SLCO5A1: variants seen among roughly 807,000 people sequenced by gnomAD.
SLCO5A1 encodes organic anion transporter polypeptide-related protein 4.
Under a neutral mutation model 65.1 loss-of-function variants are expected in SLCO5A1, and 39 were observed. The observed-to-expected ratio is 0.60, with a 90% CI of 0.46 to 0.78. The LOEUF is 0.78. Ranked by LOEUF, SLCO5A1 falls within the 30% of genes least tolerant of loss-of-function variation. The pLI is 0.00. For missense variants in SLCO5A1, 1,029 were observed against 1,069.4 expected, an observed-to-expected ratio of 0.96 and a Z score of 0.53; for synonymous variants, 438 against 415.7, an observed-to-expected ratio of 1.05 and a Z score of -0.65.
At chr8:69,721,412 C>A (rs560396668) in intron 5 of SLCO5A1, among the ~76,000 whole-genome samples, 3 of 152,218 alleles carry the variant, frequency 2.0e-5, no homozygotes, top group African/African-American at 7.2e-5. Context: ...TTAACTACCT[C>A]GTGTTATAGA....
rs192907259 is a variant in SLCO5A1 at position 69,719,288 on chromosome 8, G to A, written c.1424-14059C>T. Among the ~76,000 whole-genome samples the A allele has an allele frequency of 4.3e-4, 65 of 152,232 alleles. 2 individuals are homozygous for A. In the East Asian group the frequency reaches 0.012, roughly 27 times the overall value. ...TTTGTTTGTTTGTTTCAAAAGACAT[G>A]CACAATTCCACCAGATAATGAAATC... On this transcript the variant is annotated intron_variant, in intron 5 of 9. Transcript: ENST00000260126.
chr8:69,798,336 G>T (rs1819587372), intron 2 of SLCO5A1, among the ~76,000 whole-genome samples: 1 of 152,152 alleles, frequency 6.6e-6, no homozygotes, highest in Admixed American at 6.5e-5. Flanking sequence ...CTGAGACTGG[G>T]TAATTTATAA....
intron 5 of SLCO5A1, among the ~76,000 whole-genome samples, chr8:69,728,829 G>T (rs979743920): frequency 1.3e-5 from 2 of 152,102 alleles, no homozygotes; most frequent in African/African-American, 4.8e-5. Context: ...ATTAACATTT[G>T]AAGTGCAAAC....
intron 2 of SLCO5A1, among the ~76,000 whole-genome samples, chr8:69,784,942 GAAAGAAAGA>G (rs1818988294): frequency 8.5e-6 from 1 of 117,286 alleles, no homozygotes; most frequent in South Asian, 2.7e-4. Flanking sequence ...AAGAAAGAAA[GAAAGAAAGA>G]AGAAAGGAAG....
rs1373535240 is a variant in SLCO5A1 at position 69,671,306 on chromosome 8, G to C, written c.*1563C>G. The C allele has an allele frequency of 6.6e-6, 1 of 152,222 alleles. No individual in the cohort carries two copies. The allele number at this position is 152,222 out of a possible 1,614,324, so 9.4% of individuals were successfully genotyped here. ...TTGGAGAGCAGAAGCCTGAATCATG[G>C]AACAGTCTGTCAATCACATCTCTTC... On this transcript the variant is annotated 3_prime_UTR_variant, in exon 10 of 10. Transcript: ENST00000260126.
chr8:69,831,133 T>C (rs1821131888), intron 2 of SLCO5A1, among the ~76,000 whole-genome samples: 1 of 151,898 alleles, frequency 6.6e-6, no homozygotes. Flanking sequence ...GCATGATGGG[T>C]ACCTGTGATC....
rs577392242 is a variant in SLCO5A1, at chr8:69,762,673, C to T, written c.908-798G>A. Among the ~76,000 whole-genome samples the T allele has an allele frequency of 3.9e-5, 6 of 152,208 alleles. No homozygotes were observed. The East Asian group carries it at 1.2e-3, about 29-fold the overall frequency. On this transcript the variant is annotated intron_variant, in intron 2 of 9. Coordinates refer to ENST00000260126, the MANE Select transcript of SLCO5A1 (RefSeq NM_030958.3). The stretch of plus-strand genomic sequence containing the variant: ...TCATCATAGCTAGAAGATTCTAGCA[C>T]GATGAGGGAATTTAAGACCAGATTT...
At chr8:69,824,846 A>G (rs1453134230) in intron 2 of SLCO5A1, among the ~76,000 whole-genome samples, 2 of 152,230 alleles carry the variant, frequency 1.3e-5, no homozygotes, top group South Asian at 2.1e-4. Context: ...TTACACCAAT[A>G]TCCTTGATGA....
At chr8:69,784,844 A>G (rs1031088188) in intron 2 of SLCO5A1, among the ~76,000 whole-genome samples, 1 of 146,648 alleles carries the variant, frequency 6.8e-6, no homozygotes, top group Non-Finnish European at 1.5e-5. Context: ...AGAAAGAAAG[A>G]AAGAAAGAAA....
In SLCO5A1 at chr8:69,699,747, A is replaced by T. The variant is rs140485125; in HGVS notation, c.1622+5284T>A. Reference sequence around the variant, plus strand: ...GAAGTCTAAATAATGTTGGAAAAGTAAGAGAAAATATTCCACTCATAAAGC... The same window carrying T: ...GAAGTCTAAATAATGTTGGAAAAGTTAGAGAAAATATTCCACTCATAAAGC... On this transcript the variant is annotated intron_variant, in intron 6 of 9. Coordinates refer to ENST00000260126, the MANE Select transcript of SLCO5A1 (RefSeq NM_030958.3). Among the ~76,000 whole-genome samples the T allele has an allele frequency of 2.5e-3, 376 of 152,360 alleles. 1 individual carries two copies. Among genetic ancestry groups the T allele is most frequent in the African/African-American group, 7.1e-3 (296 of 41,590 alleles).
At chr8:69,834,454 T>A (rs1270022270) in intron 1 of SLCO5A1, among the ~76,000 whole-genome samples, 1 of 152,148 alleles carries the variant, frequency 6.6e-6, no homozygotes, top group Non-Finnish European at 1.5e-5. Flanking sequence ...CCAAACCCGC[T>A]CCCAGATTCC....
chr8:69,794,379 G>T, intron 2 of SLCO5A1: 1 of 430,644 alleles, frequency 2.3e-6, no homozygotes. Context: ...ATTTATCATT[G>T]TAAAGATGGT....
chr8:69,832,741 C>A lies in SLCO5A1; in HGVS notation c.-68G>T. The A allele has an allele frequency of 2.0e-6, 3 of 1,507,888 alleles. No individual in the cohort carries two copies. Among genetic ancestry groups the A allele is most frequent in the Non-Finnish European group, 2.6e-6 (3 of 1,133,124 alleles). 93.4% of individuals were successfully genotyped at this position (1,507,888 alleles called of 1,614,324 possible). ...CTCCGGCACGTTTCATCCACCGGCACGAGGGGCCGAAGCCGGGCCCAGTCA... is the reference window on the plus strand; with the variant it reads ...CTCCGGCACGTTTCATCCACCGGCAAGAGGGGCCGAAGCCGGGCCCAGTCA... On this transcript the variant is annotated 5_prime_UTR_variant, in exon 2 of 10. Coordinates refer to ENST00000260126, the MANE Select transcript of SLCO5A1 (RefSeq NM_030958.3). The surrounding 1 kb of genome is among the most constrained non-coding windows in gnomAD (Gnocchi z 4.5).
At chr8:69,709,475 T>A (rs1815129916) in intron 5 of SLCO5A1, among the ~76,000 whole-genome samples, 1 of 152,224 alleles carries the variant, frequency 6.6e-6, no homozygotes, top group Non-Finnish European at 1.5e-5. Flanking sequence ...ACAATGTTAG[T>A]TTTTCTGTTT....
intron 6 of SLCO5A1, among the ~76,000 whole-genome samples, chr8:69,703,899 T>C (rs529874710): frequency 6.6e-6 from 1 of 152,370 alleles, no homozygotes; most frequent in Admixed American, 6.5e-5. Context: ...TTGCCTAGGC[T>C]ATTTAAGTCT....
intron 3 of SLCO5A1, among the ~76,000 whole-genome samples, chr8:69,759,906 C>T (rs1237895823): frequency 1.3e-5 from 2 of 152,180 alleles, no homozygotes; most frequent in Non-Finnish European, 2.9e-5. Context: ...GCCTCAGCCT[C>T]CCAAAGTTGG....
intron 2 of SLCO5A1, among the ~76,000 whole-genome samples, chr8:69,813,276 C>A (rs930301488): frequency 6.6e-5 from 10 of 152,146 alleles, no homozygotes. Flanking sequence ...CCTGACAAAA[C>A]CAAGACTCAT....
At chr8:69,828,289 A>G (rs1586844053) in intron 2 of SLCO5A1, among the ~76,000 whole-genome samples, 1 of 151,626 alleles carries the variant, frequency 6.6e-6, no homozygotes, top group South Asian at 2.1e-4. Context: ...AAAAAAAGCA[A>G]TTTAATCAGT....
intron 3 of SLCO5A1, among the ~76,000 whole-genome samples, chr8:69,760,115 T>C (rs1489212499): frequency 6.6e-6 from 1 of 152,206 alleles, no homozygotes; most frequent in Non-Finnish European, 1.5e-5. Flanking sequence ...GTGCCCTCCT[T>C]AAGGACCTCT....
Sources: gnomAD v4.1 joint callset for allele counts (sites outside exome capture counted in the v4.1 genomes callset) on GRCh38, gnomAD v4.1.1 for gene constraint, Gnocchi (gnomAD v3.1) non-coding constraint, MANE v1.5 for transcripts, NCBI Gene and HGNC (gene_info 2026-07-23, HGNC 2026-07-21) for gene names.